Variants in ZNF609 observed in about 807,000 individuals in gnomAD.
ZNF609 encodes zinc finger protein 609.
Under a neutral mutation model 109.5 loss-of-function variants are expected in ZNF609, and 11 were observed. The observed-to-expected ratio is 0.10, with a 90% CI of 0.06 to 0.17. The LOEUF (loss-of-function observed/expected upper bound fraction) is 0.17, where lower values mean the gene tolerates loss of function less well. Ranked by LOEUF, ZNF609 falls within the 10% of genes least tolerant of loss-of-function variation. The pLI is 1.00. For synonymous variants in ZNF609, 646 were observed against 662.0 expected (o/e 0.98, Z 0.37); for missense variants, 1,559 against 1,772.4 (o/e 0.88, Z 2.16).
At chr15:64,560,202 C>T (rs1212933049) in intron 2 of ZNF609, among the ~76,000 whole-genome samples, 1 of 152,060 alleles carries the variant, frequency 6.6e-6, no homozygotes, top group African/African-American at 2.4e-5. Flanking sequence ...CATGCCACCA[C>T]ACCTGGCTAA....
chr15:64,558,978 A>ACT (rs1267767832), intron 2 of ZNF609, among the ~76,000 whole-genome samples: 1 of 150,492 alleles, frequency 6.6e-6, no homozygotes, highest in Admixed American at 6.6e-5. Context: ...TCACTGTTTC[A>ACT]CTCTATCTCC....
At position 64,680,308 on chromosome 15, in the gene ZNF609, C is replaced by T. The variant is rs935770935; in HGVS notation, c.3893C>T (p.Ala1298Val). The change falls in exon 7 of 10, where the codon GCC (alanine) becomes GTC (valine). Residue 1298 changes from alanine to valine, a missense_variant. This residue lies in a region of ZNF609 where 1,204 missense variants were observed against 1,314.1 expected (regional missense o/e 0.92). Coordinates refer to ENST00000326648, the MANE Select transcript of ZNF609 (RefSeq NM_015042.2). The part of the protein sequence containing the change: ...VTCKSSSESK[A>V]LDILQQHASH... ...TGTAAATCCAGCTCAGAGTCCAAAGCCCTGGACATCTTGCAGCAGCATGCC... is the reference window on the plus strand; with the variant it reads ...TGTAAATCCAGCTCAGAGTCCAAAGTCCTGGACATCTTGCAGCAGCATGCC... 1 of 1,614,082 alleles carries T rather than the reference C, an allele frequency of 6.2e-7. No homozygotes were observed. Among genetic ancestry groups the T allele is most frequent in the African/African-American group, 1.3e-5 (1 of 74,928 alleles).
chr15:64,528,770 A>G, intron 2 of ZNF609: 3 of 871,620 alleles, frequency 3.4e-6, no homozygotes, highest in South Asian at 2.7e-5. Flanking sequence ...GTCCTTGAGG[A>G]CAATGGCTGC....
At chr15:64,681,638 G>T in intron 9 of ZNF609, 54 bp from the exon 10 acceptor site, 1 of 382,500 alleles carries the variant, frequency 2.6e-6, no homozygotes, top group Non-Finnish European at 4.7e-6. Flanking sequence ...CCACCTTGTG[G>T]TTTTTTTACC....
At chr15:64,563,450 CAAA>C (rs573467381) in intron 2 of ZNF609, among the ~76,000 whole-genome samples, 1 of 135,460 alleles carries the variant, frequency 7.4e-6, no homozygotes, top group Admixed American at 7.4e-5. Context: ...AACCCTGCCT[CAAA>C]AAAAAAAAAA....
At chr15:64,630,668 G>A (rs560862180) in intron 3 of ZNF609, among the ~76,000 whole-genome samples, 4 of 150,962 alleles carry the variant, frequency 2.6e-5, no homozygotes, top group Admixed American at 6.6e-5. Flanking sequence ...GAGTTTCACC[G>A]TGTTAGCCAG....
chr15:64,683,417 A>G lies in ZNF609; in HGVS notation c.*1731A>G, dbSNP rs1344081066. On this transcript the variant is annotated 3_prime_UTR_variant, in exon 10 of 10. Coordinates refer to ENST00000326648, the MANE Select transcript of ZNF609 (RefSeq NM_015042.2). ...GAGGCTTAGGGTCACCATCTGCTCA[A>G]GAGGATCCCCTCTGATCTACAGGCC... The G allele has an allele frequency of 6.6e-6, 1 of 152,660 alleles. No homozygotes were observed. The highest frequency in any genetic ancestry group is 2.4e-5 in the African/African-American group (1 of 41,444). 9.5% of individuals were successfully genotyped at this position (152,660 alleles called of 1,614,324 possible). A position where few individuals can be genotyped will look rare whatever the true frequency, so the allele number is the denominator to read the frequency against.
chr15:64,673,930 C>T lies in ZNF609; in HGVS notation c.1076C>T (p.Pro359Leu), dbSNP rs769152415. The change falls in exon 5 of 10, where the codon CCG (proline) becomes CTG (leucine). Residue 359 changes from proline to leucine, a missense_variant. Physicochemically the swap from Pro to Leu is moderately conservative, Grantham distance 98. Transcript: ENST00000326648. ...CCTTTGCCAAGGTTCTGTGACTCCC[C>T]GACCAGTGACCTGGAAATGCGCAAT... ...DWAPPRFCDS[P>L]TSDLEMRNGR... 3.1e-6 allele frequency: 5 copies of T among 1,611,738 alleles called. No homozygotes were observed. The highest frequency in any genetic ancestry group is 1.7e-5 in the Admixed American group (1 of 59,888).
At position 64,676,092 on chromosome 15, in the gene ZNF609, A is replaced by C; in HGVS notation, c.3238A>C (p.Ile1080Leu). ...PGADPAKSVI[I>L]PKLDDSSKLP... ...GGCTGACCCAGCCAAATCAGTCATC[A>C]TTCCCAAGTTAGATGACTCTTCAAA... Residue 1080 changes from isoleucine (I) to leucine (L), a missense_variant, in exon 5 of 10, where the codon ATT becomes CTT. This residue lies in a region of ZNF609 where 1,204 missense variants were observed against 1,314.1 expected (regional missense o/e 0.92). Coordinates refer to ENST00000326648, the MANE Select transcript of ZNF609 (RefSeq NM_015042.2). The C allele has an allele frequency of 6.2e-7, 1 of 1,614,220 alleles. No individual in the cohort carries two copies. The highest frequency in any genetic ancestry group is 1.1e-5 in the South Asian group (1 of 91,090).
At chr15:64,523,564 G>A (rs1216985951) in intron 2 of ZNF609, among the ~76,000 whole-genome samples, 5 of 151,880 alleles carry the variant, frequency 3.3e-5, no homozygotes, top group Admixed American at 1.3e-4. Flanking sequence ...TCAGGAGTTC[G>A]ACACCAGCCT....
intron 1 of ZNF609, among the ~76,000 whole-genome samples, chr15:64,493,194 A>G (rs965410853): frequency 6.6e-6 from 1 of 152,144 alleles, no homozygotes; most frequent in Non-Finnish European, 1.5e-5. Flanking sequence ...CTCGGGGGTG[A>G]AAGAGAAATG....
chr15:64,488,179 G>A (rs894218650), intron 1 of ZNF609, among the ~76,000 whole-genome samples: 3 of 152,066 alleles, frequency 2.0e-5, no homozygotes, highest in African/African-American at 4.8e-5. Context: ...TAATGAATCT[G>A]AATTCTTTTT....
chr15:64,633,112 T>A (rs573802618), intron 3 of ZNF609, among the ~76,000 whole-genome samples: 99 of 151,576 alleles, frequency 6.5e-4, no homozygotes, highest in Middle Eastern at 6.8e-3. Context: ...TTGTTTTTTT[T>A]TTTCTGTAAC....
At chr15:64,514,943 T>A (rs1893785225) in intron 2 of ZNF609, among the ~76,000 whole-genome samples, 1 of 152,144 alleles carries the variant, frequency 6.6e-6, no homozygotes, top group Non-Finnish European at 1.5e-5. Flanking sequence ...ACCCTTTTTT[T>A]TAAAATTTTT....
At chr15:64,498,212 G>T (rs1893511090) in intron 1 of ZNF609, among the ~76,000 whole-genome samples, 1 of 152,014 alleles carries the variant, frequency 6.6e-6, no homozygotes, top group South Asian at 2.1e-4. Context: ...ACCACATCTG[G>T]CTAATTTTTG....
At chr15:64,468,869 T>G (rs1893050717) in intron 1 of ZNF609, among the ~76,000 whole-genome samples, 2 of 151,962 alleles carry the variant, frequency 1.3e-5, no homozygotes, top group South Asian at 4.1e-4. Flanking sequence ...ATGAACACAT[T>G]AGACAGGATG....
rs1165921384 is a variant in ZNF609, at chr15:64,622,832, G to A, written c.753G>A (p.Glu251=). ...ACTTTTTCTTCCCTCCACAGATGGA[G>A]TCCCCTGTTTCCACACCAGCAGTGC... ...LLKKVKSEKM[E]SPVSTPAVLP... is the part of the protein sequence containing the mutation. Residue 251 remains glutamate (E), a synonymous_variant, in exon 3 of 10, where the codon GAG becomes GAA. Coordinates refer to ENST00000326648, the MANE Select transcript of ZNF609 (RefSeq NM_015042.2). 6.2e-7 allele frequency: 1 copy of A among 1,614,028 alleles called. No individual in the cohort carries two copies. Among genetic ancestry groups the A allele is most frequent in the African/African-American group, 1.3e-5 (1 of 74,942 alleles).
chr15:64,674,327 C>T lies in ZNF609; in HGVS notation c.1473C>T (p.Ser491=), dbSNP rs142932639. The change falls in exon 5 of 10, where the codon TCC becomes TCT. Residue 491 remains serine (S), a synonymous_variant. Transcript: ENST00000326648. Reference sequence around the variant, plus strand: ...CTGTTCTGGACAGAAACTGCCCCTCCCCCGTCCTAATTGACTGTCCCCACC... The same window carrying T: ...CTGTTCTGGACAGAAACTGCCCCTCTCCCGTCCTAATTGACTGTCCCCACC... ...EPTVLDRNCP[S]PVLIDCPHPN... 8,569 of 1,614,136 alleles carry T rather than the reference C, an allele frequency of 5.3e-3. 664 individuals carry two copies. The Admixed American group carries it at 0.13, about 25-fold the overall frequency.
In ZNF609 at chr15:64,674,665, T is replaced by C; in HGVS notation, c.1811T>C (p.Leu604Ser). Reference protein sequence around the residue: ...SGEGDTDLGALSNDGSDDGPS... With the variant: ...SGEGDTDLGASSNDGSDDGPS... ...GAAGGGGACACAGACCTTGGGGCCT[T>C]ATCCAATGATGGCTCTGATGATGGA... The change falls in exon 5 of 10, where the codon TTA becomes TCA. Residue 604 changes from leucine (L) to serine (S), a missense_variant. Leu to Ser is a moderately radical substitution (Grantham distance 145). Coordinates refer to ENST00000326648, the MANE Select transcript of ZNF609 (RefSeq NM_015042.2). 3 of 1,614,162 alleles carry C rather than the reference T, an allele frequency of 1.9e-6. No individual in the cohort carries two copies. The highest frequency in any genetic ancestry group is 2.5e-6 in the Non-Finnish European group (3 of 1,180,038).
Sources: gnomAD v4.1 joint callset for allele counts (sites outside exome capture counted in the v4.1 genomes callset) on GRCh38, gnomAD v4.1.1 for gene constraint, gnomAD v4.1.1 regional missense constraint, MANE v1.5 for transcripts, NCBI Gene and HGNC (gene_info 2026-07-23, HGNC 2026-07-21) for gene names.